Variants in EFHD1 observed in about 807,000 individuals in gnomAD.
EFHD1 encodes the protein EF-hand domain family member D1.
In EFHD1, 10 loss-of-function variants were observed where a neutral mutation model predicts 17.2. The ratio of observed to expected loss-of-function variants is 0.58; its 90% CI spans 0.36 to 0.99. The LOEUF (loss-of-function observed/expected upper bound fraction) is 0.99, where lower values mean the gene tolerates loss of function less well. Among genes scored for constraint, EFHD1 ranks in the 50% least tolerant of loss-of-function variants. EFHD1 has a pLI of 0.01. For missense variants in EFHD1, 310 were observed against 327.5 expected (o/e 0.95, Z 0.41); for synonymous variants, 153 against 142.0 (o/e 1.08, Z -0.55).
At position 232,661,016 on chromosome 2, in the gene EFHD1, C is replaced by T. The variant is rs147090144; in HGVS notation, c.303-1786C>T. 4.4e-3 allele frequency among the ~76,000 whole-genome samples: 667 copies of T among 151,964 alleles called. 7 individuals carry two copies. The highest frequency in any genetic ancestry group is 3.0e-3 in the Non-Finnish European group (201 of 67,948). The stretch of plus-strand genomic sequence containing the variant: ...AACAAAAATTAGCTGGGTGTGGTGG[C>T]GCACACCTGTAATTCCAGCTACTTG... On this transcript the variant is annotated intron_variant, in intron 1 of 3. Transcript: ENST00000264059.
chr2:232,678,368 G>A (rs148686105), intron 3 of EFHD1, among the ~76,000 whole-genome samples: 369 of 152,274 alleles, frequency 2.4e-3, no homozygotes, highest in Non-Finnish European at 3.7e-3. Context: ...TGAAAATGTT[G>A]CGATCATAGG....
chr2:232,657,205 C>G (rs933319388), intron 1 of EFHD1, among the ~76,000 whole-genome samples: 2 of 152,198 alleles, frequency 1.3e-5, no homozygotes, highest in Non-Finnish European at 2.9e-5. Context: ...AACTCTGTCC[C>G]CATTCAACAC....
upstream of EFHD1, among the ~76,000 whole-genome samples, chr2:232,629,527 G>A (rs969439617): frequency 6.6e-6 from 1 of 151,790 alleles, no homozygotes; most frequent in African/African-American, 2.4e-5. Context: ...GGAGTGCAGT[G>A]GTGCCATCTT....
Position 232,681,810 on chromosome 2 carries a change from C to T in EFHD1, c.*91C>T, listed in dbSNP as rs1241425169. On this transcript the variant is annotated 3_prime_UTR_variant, in exon 4 of 4. Coordinates refer to ENST00000264059, the MANE Select transcript of EFHD1 (RefSeq NM_025202.4). ...CATCTTCATCACTGCTGTCGGTCCCCTCCCTGAGCCAGCATCTCCATCCAC... is the reference window on the plus strand; with the variant it reads ...CATCTTCATCACTGCTGTCGGTCCCTTCCCTGAGCCAGCATCTCCATCCAC... 4.0e-6 allele frequency: 6 copies of T among 1,492,646 alleles called. No homozygotes were observed. Among genetic ancestry groups the T allele is most frequent in the Non-Finnish European group, 4.5e-6 (5 of 1,118,596 alleles). 92.5% of individuals were successfully genotyped at this position (1,492,646 alleles called of 1,614,324 possible). A position where few individuals can be genotyped will look rare whatever the true frequency, so the allele number is the denominator to read the frequency against.
At chr2:232,642,309 C>T (rs1332807297) in intron 1 of EFHD1, among the ~76,000 whole-genome samples, 2 of 128,518 alleles carry the variant, frequency 1.6e-5, no homozygotes, top group African/African-American at 3.0e-5. Flanking sequence ...CTTGAACCTG[C>T]AAAGCAGTGA....
At position 232,660,332 on chromosome 2, in the gene EFHD1, C is replaced by T. The variant is rs1284559294; in HGVS notation, c.303-2470C>T. Reference sequence around the variant, plus strand: ...GCCTCAGCCTCCCAAGTAGCTGGGACTACAGGTGCCTGCCACCACGCCCGG... The same window carrying T: ...GCCTCAGCCTCCCAAGTAGCTGGGATTACAGGTGCCTGCCACCACGCCCGG... On this transcript the variant is annotated intron_variant, in intron 1 of 3. Transcript: ENST00000264059. Among the ~76,000 whole-genome samples, 12 of 152,092 alleles carry T rather than the reference C, an allele frequency of 7.9e-5. No individual in the cohort carries two copies. The East Asian group carries it at 1.2e-3, about 15-fold the overall frequency.
intron 1 of EFHD1, among the ~76,000 whole-genome samples, chr2:232,609,722 A>T (rs770825469): frequency 2.8e-4 from 43 of 152,158 alleles, no homozygotes; most frequent in Non-Finnish European, 4.6e-4. Context: ...ATCTCCCTTG[A>T]TGCAAGACTC....
At chr2:232,633,252 G>T (rs112089070), upstream of EFHD1, 5,638 of 167,086 alleles carry the variant, frequency 0.034, 134 homozygotes, top group South Asian at 0.1. Flanking sequence ...GGCCGCGAGC[G>T]CTTCCAGTCG....
At chr2:232,669,849 T>G (rs1404604171) in intron 2 of EFHD1, among the ~76,000 whole-genome samples, 1 of 152,102 alleles carries the variant, frequency 6.6e-6, no homozygotes, top group Non-Finnish European at 1.5e-5. Flanking sequence ...TCCACCTGCC[T>G]TGGCCTCCCA....
chr2:232,622,605 G>T (rs1201532493), intron 1 of EFHD1, among the ~76,000 whole-genome samples: 1 of 149,512 alleles, frequency 6.7e-6, no homozygotes, highest in Non-Finnish European at 1.5e-5. Context: ...AGAGGTGAGG[G>T]AGTAATGAGT....
rs564050338 is a variant in EFHD1, at chr2:232,662,253, C to G, written c.303-549C>G. Among the ~76,000 whole-genome samples the G allele has an allele frequency of 3.9e-5, 6 of 152,066 alleles. No individual in the cohort carries two copies. The East Asian group carries it at 1.2e-3, about 29-fold the overall frequency. On this transcript the variant is annotated intron_variant, in intron 1 of 3. Transcript: ENST00000264059. ...CGTTCAGAGCTGGAGACAAGACGAG[C>G]GAACCAGAGGGGAATCATGAGCCAG... is the stretch of plus-strand genomic sequence containing the variant.
chr2:232,659,878 A>G (rs1396486871), intron 1 of EFHD1, among the ~76,000 whole-genome samples: 1 of 152,238 alleles, frequency 6.6e-6, no homozygotes. Flanking sequence ...AAGGGGGAGC[A>G]GTACTTCACA....
At chr2:232,630,464 C>T (rs542282144), upstream of EFHD1, among the ~76,000 whole-genome samples, 191 of 152,244 alleles carry the variant, frequency 1.3e-3, 1 homozygote, top group Admixed American at 3.2e-3. Flanking sequence ...GCTCAGAGGG[C>T]GTTCTGTCTA....
At chr2:232,666,517 T>C (rs914195812) in intron 2 of EFHD1, among the ~76,000 whole-genome samples, 2 of 152,250 alleles carry the variant, frequency 1.3e-5, no homozygotes, top group African/African-American at 2.4e-5. Flanking sequence ...TGAATTAAGA[T>C]GCATTCCGCC....
At chr2:232,679,453 G>C (rs1004406469) in intron 3 of EFHD1, among the ~76,000 whole-genome samples, 1 of 151,696 alleles carries the variant, frequency 6.6e-6, no homozygotes, top group Admixed American at 6.6e-5. Flanking sequence ...AGTGGTACAT[G>C]CCCATAATCC....
intron 3 of EFHD1, among the ~76,000 whole-genome samples, chr2:232,678,029 TC>T (rs1366546553): frequency 1.3e-5 from 2 of 152,136 alleles, no homozygotes; most frequent in African/African-American, 4.8e-5. Context: ...ATGCCTATAA[TC>T]CCAGAACTTT....
intron 1 of EFHD1, among the ~76,000 whole-genome samples, chr2:232,646,089 C>T (rs947899684): frequency 2.0e-5 from 3 of 152,212 alleles, no homozygotes; most frequent in Non-Finnish European, 4.4e-5. Context: ...TGGCCTCCCC[C>T]ATCCGTCCAA....
intron 1 of EFHD1, among the ~76,000 whole-genome samples, chr2:232,655,107 AC>A: frequency 6.6e-6 from 1 of 152,300 alleles, no homozygotes; most frequent in Non-Finnish European, 1.5e-5. Flanking sequence ...TTCTGTTGGA[AC>A]ACGCTATGTG....
intron 1 of EFHD1, among the ~76,000 whole-genome samples, chr2:232,642,761 C>T (rs1052181978): frequency 2.0e-5 from 3 of 151,846 alleles, no homozygotes; most frequent in South Asian, 2.1e-4. Context: ...CAGCTGTTCC[C>T]GAGGGTCACC....
Sources: gnomAD v4.1 joint callset for allele counts (sites outside exome capture counted in the v4.1 genomes callset) on GRCh38, gnomAD v4.1.1 for gene constraint, MANE v1.5 for transcripts, NCBI Gene and HGNC (gene_info 2026-07-23, HGNC 2026-07-21) for gene names.